The following CELF1 variants were observed in gnomAD, a reference collection of about 807,000 sequenced individuals.
CELF1 encodes the protein 50 kDa nuclear polyadenylated RNA-binding protein.
A neutral mutation model predicts 61.8 loss-of-function variants in CELF1; 10 were observed. The observed-to-expected ratio is 0.16, with a 90% CI of 0.10 to 0.27. The LOEUF is 0.27. Ranked by LOEUF, CELF1 falls within the 10% of genes least tolerant of loss-of-function variation. The probability of loss-of-function intolerance (pLI) is 1.00; values close to 1 mark genes in which losing one functional copy is unlikely to be tolerated. For missense variants in CELF1, 380 were observed against 639.1 expected (o/e 0.59, Z 4.37); for synonymous variants, 236 against 225.1 (o/e 1.05, Z -0.43).
intron 12 of CELF1, among the ~76,000 whole-genome samples, chr11:47,476,434 A>G (rs1036231699): frequency 6.6e-6 from 1 of 152,080 alleles, no homozygotes; most frequent in Non-Finnish European, 1.5e-5. Context: ...TAAAAATCCC[A>G]TGCTTTTTTG....
chr11:47,552,860 A>G (rs2097179136), intron 1 of CELF1, 132 bp downstream of exon 1: 1 of 395,418 alleles, frequency 2.5e-6, no homozygotes, highest in African/African-American at 2.1e-5. Flanking sequence ...GCAGGGAACG[A>G]GAAAAGGCCG....
rs770434027 is a variant in CELF1 at position 47,488,918 on chromosome 11, G to C, written c.178C>G (p.Arg60Gly). 6.2e-7 allele frequency: 1 copy of C among 1,612,768 alleles called. No homozygotes were observed. The highest frequency in any genetic ancestry group is 8.5e-7 in the Non-Finnish European group (1 of 1,179,650). ...GCACCATACTGTTCGAAGAGTTCCCGCAAGTCCTTTTCAGACCAGGTCCTT... is the reference window on the plus strand; with the variant it reads ...GCACCATACTGTTCGAAGAGTTCCCCCAAGTCCTTTTCAGACCAGGTCCTT... Reference protein sequence around the residue: ...VPRTWSEKDLRELFEQYGAVY... With the variant: ...VPRTWSEKDLGELFEQYGAVY... The change falls in exon 4 of 15, where the codon CGG becomes GGG. Residue 60 changes from arginine to glycine, a missense_variant. Physicochemically the swap from Arg to Gly is moderately radical, Grantham distance 125. Coordinates refer to ENST00000687097, the MANE Select transcript of CELF1 (RefSeq NM_001376376.1).
rs576316680 is a variant in CELF1, at chr11:47,532,912, T to A, written c.-154+20080A>T. 4.6e-5 allele frequency among the ~76,000 whole-genome samples: 7 copies of A among 152,252 alleles called. No homozygotes were observed. In the South Asian group the frequency reaches 1.4e-3, roughly 32 times the overall value. ...TTTTCTATTTCTGGCTCACTGCAAA[T>A]GTGCAACAGCATTTTATTAAGGAGT... On this transcript the variant is annotated intron_variant, in intron 1 of 14. Coordinates refer to ENST00000687097, the MANE Select transcript of CELF1 (RefSeq NM_001376376.1).
At chr11:47,503,700 T>C (rs73461734) in intron 1 of CELF1, among the ~76,000 whole-genome samples, 2,702 of 152,304 alleles carry the variant, frequency 0.018, 50 homozygotes, top group African/African-American at 0.048. Context: ...ACAGTACCTT[T>C]TTGGACCTAA....
At chr11:47,487,538 T>C (rs1484293658) in intron 4 of CELF1, among the ~76,000 whole-genome samples, 1 of 152,192 alleles carries the variant, frequency 6.6e-6, no homozygotes, top group East Asian at 1.9e-4. Flanking sequence ...CATGTGCCAT[T>C]TGACTCAACC....
intron 1 of CELF1, among the ~76,000 whole-genome samples, chr11:47,544,936 T>C (rs924728149): frequency 6.6e-6 from 1 of 152,044 alleles, no homozygotes; most frequent in Non-Finnish European, 1.5e-5. Context: ...CACTCCAGCC[T>C]GGGTAACAAC....
intron 1 of CELF1, among the ~76,000 whole-genome samples, chr11:47,534,942 A>T (rs1011429036): frequency 6.6e-6 from 1 of 152,088 alleles, no homozygotes; most frequent in African/African-American, 2.4e-5. Flanking sequence ...TACAAGTCTG[A>T]TCTGTGGATC....
intron 2 of CELF1, among the ~76,000 whole-genome samples, chr11:47,558,728 T>TTA (rs1221177267): frequency 1.0e-5 from 1 of 96,520 alleles, no homozygotes; most frequent in Non-Finnish European, 1.9e-5. Context: ...ATGACATATA[T>TTA]TATATATAAT....
chr11:47,531,060 A>G (rs1280032751), intron 1 of CELF1, among the ~76,000 whole-genome samples: 3 of 151,994 alleles, frequency 2.0e-5, no homozygotes, highest in Non-Finnish European at 4.4e-5. Flanking sequence ...CAGCCTGGCC[A>G]ATTTGGCGAA....
intron 1 of CELF1, among the ~76,000 whole-genome samples, chr11:47,510,474 G>A (rs2095037566): frequency 6.6e-6 from 1 of 152,076 alleles, no homozygotes; most frequent in Non-Finnish European, 1.5e-5. Context: ...CCATGAACTT[G>A]GCCTCATTAG....
At chr11:47,477,560 A>C in intron 10 of CELF1, 135 bp from the exon 11 acceptor site, 1 of 790,916 alleles carries the variant, frequency 1.3e-6, no homozygotes, top group Non-Finnish European at 2.0e-6. Flanking sequence ...TACAAACAAC[A>C]TTACAGGGCT....
chr11:47,472,678 A>T (rs1374299023), intron 14 of CELF1, among the ~76,000 whole-genome samples: 1 of 151,940 alleles, frequency 6.6e-6, no homozygotes, highest in Non-Finnish European at 1.5e-5. Flanking sequence ...CCTCAGCCTC[A>T]AGTAGCTGGG....
chr11:47,541,812 AAG>A (rs1409414226), intron 1 of CELF1, among the ~76,000 whole-genome samples: 1 of 145,062 alleles, frequency 6.9e-6, no homozygotes, highest in African/African-American at 2.5e-5. Context: ...GAAAGAAAGA[AAG>A]AAAGAAAGAA....
rs765166167 is a variant in CELF1 at position 47,484,529 on chromosome 11, A to G, written c.392-6T>C. On this transcript the variant is annotated splice_region_variant and splice_polypyrimidine_tract_variant and intron_variant, in intron 6 of 14. Coordinates refer to ENST00000687097, the MANE Select transcript of CELF1 (RefSeq NM_001376376.1). ...CAGCTTCCTGTCTTCCACTGCTAAG[A>G]GAGTAAAACAGAAAAGACTTGAATA... 4.4e-6 allele frequency: 7 copies of G among 1,600,104 alleles called. No homozygotes were observed. Among genetic ancestry groups the G allele is most frequent in the South Asian group, 1.1e-5 (1 of 89,056 alleles).
At chr11:47,558,543 T>TA (rs2097213320) in intron 2 of CELF1, among the ~76,000 whole-genome samples, 44 of 117,828 alleles carry the variant, frequency 3.7e-4, no homozygotes, top group African/African-American at 1.3e-3. Flanking sequence ...ATTTATATAT[T>TA]TATATTATAT....
chr11:47,483,167 G>A (rs559427974), intron 8 of CELF1, among the ~76,000 whole-genome samples: 67 of 152,188 alleles, frequency 4.4e-4, no homozygotes, highest in Non-Finnish European at 9.0e-4. Context: ...GAGTGGCAGA[G>A]GTAGGGGGGA....
chr11:47,476,665 A>G (rs1301270369), intron 12 of CELF1, among the ~76,000 whole-genome samples, 181 bp downstream of exon 12: 4 of 152,098 alleles, frequency 2.6e-5, no homozygotes, highest in Non-Finnish European at 5.9e-5. Flanking sequence ...TGACCTCGTG[A>G]TTCGCCCACC....
chr11:47,533,008 T>C (rs2096527388), intron 1 of CELF1, among the ~76,000 whole-genome samples: 1 of 152,172 alleles, frequency 6.6e-6, no homozygotes, highest in African/African-American at 2.4e-5. Context: ...CAGTGACAAG[T>C]TGTAAGCAAA....
chr11:47,555,547 A>T (rs555464330), upstream of CELF1, among the ~76,000 whole-genome samples: 2 of 152,196 alleles, frequency 1.3e-5, no homozygotes, highest in African/African-American at 4.8e-5. Context: ...GAACAATTAC[A>T]TGAAGAACAC....
Sources: allele counts gnomAD v4.1 joint callset (sites outside exome capture counted in the v4.1 genomes callset), GRCh38; gene constraint gnomAD v4.1.1; transcripts MANE v1.5; gene names NCBI Gene and HGNC (gene_info 2026-07-23, HGNC 2026-07-21).